SMAD1: variants seen among roughly 807,000 people sequenced by gnomAD.
SMAD1 encodes MAD, mothers against decapentaplegic homolog 1.
Under a neutral mutation model 41.6 loss-of-function variants are expected in SMAD1, and 6 were observed. That is an observed-to-expected ratio of 0.14 (90% CI 0.08 to 0.28). SMAD1 has a LOEUF of 0.28. SMAD1 is among the 10% of genes least tolerant of loss of function. The pLI, the probability that SMAD1 is intolerant of heterozygous loss-of-function variation, is 1.00. For missense variants in SMAD1, 379 were observed against 582.6 expected (o/e 0.65, Z 3.60); for synonymous variants, 206 against 203.2 (o/e 1.01, Z -0.12).
chr4:145,491,990 TGTA>T (rs1427512782), intron 1 of SMAD1, among the ~76,000 whole-genome samples: 2 of 152,082 alleles, frequency 1.3e-5, no homozygotes, highest in Non-Finnish European at 2.9e-5. Context: ...AAGTTCCCCT[TGTA>T]GTAAAACCTT....
Position 145,539,984 on chromosome 4 carries a change from A to G in SMAD1, c.581A>G (p.Asn194Ser). The change falls in exon 3 of 7, where the codon AAC becomes AGC. Residue 194 changes from asparagine to serine, a missense_variant. Around this residue, in one of 3 missense-constraint regions of SMAD1, gnomAD observed 208 missense variants for 210.5 expected, o/e 0.99. Coordinates refer to ENST00000302085, the MANE Select transcript of SMAD1 (RefSeq NM_005900.3). The stretch of plus-strand genomic sequence containing the variant: ...CACTCTCCCAATAGCAGTTACCCAA[A>G]CTCTCCTGGGAGCAGCAGCAGCACC... ...FPHSPNSSYP[N>S]SPGSSSSTYP... The G allele has an allele frequency of 6.2e-7, 1 of 1,613,330 alleles. No homozygotes were observed. Among genetic ancestry groups the G allele is most frequent in the Non-Finnish European group, 8.5e-7 (1 of 1,179,792 alleles).
At position 145,546,799 on chromosome 4, in the gene SMAD1, C is replaced by A; in HGVS notation, c.872C>A (p.Ser291Tyr). 6.2e-7 allele frequency: 1 copy of A among 1,614,110 alleles called. No individual in the cohort carries two copies. The highest frequency in any genetic ancestry group is 2.2e-5 in the East Asian group (1 of 44,884). ...GTGGGTGAAGCGTTCCATGCCTCCT[C>A]CACAAGTGTGTTGGTGGATGGTTTC... Reference protein sequence around the residue: ...NRVGEAFHASSTSVLVDGFTD... With the variant: ...NRVGEAFHASYTSVLVDGFTD... The change falls in exon 5 of 7, where the codon TCC becomes TAC. Residue 291 changes from serine (S) to tyrosine (Y), a missense_variant. Ser to Tyr is a moderately radical substitution (Grantham distance 144). Coordinates refer to ENST00000302085, the MANE Select transcript of SMAD1 (RefSeq NM_005900.3).
chr4:145,540,198 G>A, intron 3 of SMAD1, 137 bp downstream of exon 3: 1 of 951,634 alleles, frequency 1.1e-6, no homozygotes, highest in Non-Finnish European at 1.6e-6. Context: ...GCACTTTTAG[G>A]ATACAACTTT....
chr4:145,526,874 T>C (rs1383065460), intron 2 of SMAD1, among the ~76,000 whole-genome samples: 1 of 152,174 alleles, frequency 6.6e-6, no homozygotes, highest in Non-Finnish European at 1.5e-5. Context: ...ACTTTGACCT[T>C]GGGTTAGTCA....
chr4:145,522,861 G>T (rs1413538523), intron 2 of SMAD1, among the ~76,000 whole-genome samples: 4 of 151,740 alleles, frequency 2.6e-5, no homozygotes, highest in Admixed American at 2.6e-4. Context: ...TGTATTTTTA[G>T]TAGAGACGGG....
At chr4:145,485,128 G>T (rs1728418392) in intron 1 of SMAD1, among the ~76,000 whole-genome samples, 1 of 152,144 alleles carries the variant, frequency 6.6e-6, no homozygotes, top group Non-Finnish European at 1.5e-5. Context: ...GAGTGCAGTG[G>T]CACGATCATG....
chr4:145,540,034 G>C lies in SMAD1; in HGVS notation c.631G>C (p.Asp211His), dbSNP rs1314660957. 6.2e-7 allele frequency: 1 copy of C among 1,614,074 alleles called. No individual in the cohort carries two copies. Among genetic ancestry groups the C allele is most frequent in the Non-Finnish European group, 8.5e-7 (1 of 1,179,980 alleles). ...STYPHSPTSSDPGSPFQMPAD... is the reference protein window; with the variant it reads ...STYPHSPTSSHPGSPFQMPAD... ...CTACCCTCACTCTCCCACCAGCTCA[G>C]ACCCAGGAAGCCCTTTCCAGATGCC... Residue 211 changes from aspartate to histidine, a missense_variant, in exon 3 of 7, where the codon GAC (aspartate) becomes CAC (histidine). Physicochemically the swap from Asp to His is moderately conservative, Grantham distance 81. Coordinates refer to ENST00000302085, the MANE Select transcript of SMAD1 (RefSeq NM_005900.3).
At chr4:145,526,861 A>G (rs1731041285) in intron 2 of SMAD1, among the ~76,000 whole-genome samples, 1 of 152,140 alleles carries the variant, frequency 6.6e-6, no homozygotes, top group African/African-American at 2.4e-5. Context: ...TTGGCACTTG[A>G]TAACTTTGAC....
At chr4:145,537,849 C>G (rs1332662615) in intron 2 of SMAD1, among the ~76,000 whole-genome samples, 1 of 152,190 alleles carries the variant, frequency 6.6e-6, no homozygotes, top group African/African-American at 2.4e-5. Flanking sequence ...GAAACAAGAG[C>G]TGCTAAAACA....
intron 1 of SMAD1, among the ~76,000 whole-genome samples, chr4:145,493,532 A>G (rs917760882): frequency 2.0e-5 from 3 of 152,216 alleles, no homozygotes; most frequent in African/African-American, 7.2e-5. Context: ...ACTGTGAACA[A>G]AATTAATTTG....
chr4:145,513,751 A>G (rs1200676212), intron 1 of SMAD1, among the ~76,000 whole-genome samples: 1 of 152,218 alleles, frequency 6.6e-6, no homozygotes, highest in East Asian at 1.9e-4. Flanking sequence ...GTTTTGAAAT[A>G]TATTTTTAGA....
chr4:145,538,531 C>T (rs1024514381), intron 2 of SMAD1, among the ~76,000 whole-genome samples: 2 of 152,038 alleles, frequency 1.3e-5, no homozygotes, highest in African/African-American at 4.8e-5. Context: ...ATTTTCAGCT[C>T]ATAAAAAAGT....
intron 5 of SMAD1, among the ~76,000 whole-genome samples, chr4:145,551,295 G>T (rs941394447): frequency 7.9e-5 from 12 of 152,046 alleles, no homozygotes; most frequent in African/African-American, 2.9e-4. Context: ...GGTGAGGCTG[G>T]GAAAGAGAAA....
chr4:145,542,079 T>C (rs1212699692), intron 3 of SMAD1, among the ~76,000 whole-genome samples: 2 of 152,232 alleles, frequency 1.3e-5, no homozygotes, highest in African/African-American at 4.8e-5. Flanking sequence ...ACAGATTCCC[T>C]AAAGTCATGG....
chr4:145,548,603 AG>A (rs1361778537), intron 5 of SMAD1, among the ~76,000 whole-genome samples: 1 of 152,218 alleles, frequency 6.6e-6, no homozygotes, highest in Non-Finnish European at 1.5e-5. Context: ...ATAAATAGAT[AG>A]ATAAGTGAAT....
chr4:145,527,685 T>C (rs1287393832), intron 2 of SMAD1, among the ~76,000 whole-genome samples: 1 of 152,098 alleles, frequency 6.6e-6, no homozygotes, highest in Admixed American at 6.6e-5. Flanking sequence ...TGTGCTATAC[T>C]GCTTCCCAAA....
Position 145,516,398 on chromosome 4 carries a change from G to A in SMAD1, c.400+1385G>A, listed in dbSNP as rs537936190. 7.9e-5 allele frequency among the ~76,000 whole-genome samples: 12 copies of A among 152,148 alleles called. No homozygotes were observed. The Middle Eastern group carries it at 0.01, about 129-fold the overall frequency. On this transcript the variant is annotated intron_variant, in intron 2 of 6. Coordinates refer to ENST00000302085, the MANE Select transcript of SMAD1 (RefSeq NM_005900.3). ...CACTTTGGGAATTTATTGGAATTTCGTTGATTTCATTTGGGGAAGATTGGC... is the reference window on the plus strand; with the variant it reads ...CACTTTGGGAATTTATTGGAATTTCATTGATTTCATTTGGGGAAGATTGGC...
chr4:145,494,150 T>TG (rs1728930461), intron 1 of SMAD1, among the ~76,000 whole-genome samples: 1 of 152,018 alleles, frequency 6.6e-6, no homozygotes, highest in Admixed American at 6.5e-5. Context: ...TTAGTAGAGA[T>TG]GGGGTTTCAC....
At chr4:145,552,372 G>A (rs966943009) in intron 5 of SMAD1, among the ~76,000 whole-genome samples, 9 of 152,206 alleles carry the variant, frequency 5.9e-5, no homozygotes, top group Non-Finnish European at 1.3e-4. Context: ...CCATACCAGA[G>A]TTACCTACAA....
Sources: allele counts gnomAD v4.1 joint callset (sites outside exome capture counted in the v4.1 genomes callset), GRCh38; gene constraint gnomAD v4.1.1; regional missense constraint gnomAD v4.1.1; transcripts MANE v1.5; gene names NCBI Gene and HGNC (gene_info 2026-07-23, HGNC 2026-07-21).